ZFPM2: variants seen among roughly 807,000 people sequenced by gnomAD.
ZFPM2 encodes zinc finger protein ZFPM2.
Under a neutral mutation model 98.6 loss-of-function variants are expected in ZFPM2, and 20 were observed. The ratio of observed to expected loss-of-function variants is 0.20; its 90% confidence interval spans 0.14 to 0.29. The LOEUF (loss-of-function observed/expected upper bound fraction) is 0.29, where lower values mean the gene tolerates loss of function less well. ZFPM2 is among the 10% of genes least tolerant of loss of function. The pLI, the probability that ZFPM2 is intolerant of heterozygous loss-of-function variation, is 1.00. For synonymous variants in ZFPM2, 518 were observed against 502.7 expected, an observed-to-expected ratio of 1.03 and a Z score of -0.41; for missense variants, 1,310 against 1,388.6, an observed-to-expected ratio of 0.94 and a Z score of 0.90.
Position 105,645,951 on chromosome 8 carries a change from G to T in ZFPM2, c.532+11594G>T, listed in dbSNP as rs1485370481. On this transcript the variant is annotated intron_variant, in intron 5 of 7. Transcript: ENST00000407775. ...ACCTGTAGTCCCAGCTACTCTGGAG[G>T]CTGAGATGGGAGAATCGCTTGAACC... Among the ~76,000 whole-genome samples, 3 of 151,784 alleles carry T rather than the reference G, an allele frequency of 2.0e-5. No individual in the cohort carries two copies. In the East Asian group the frequency reaches 5.9e-4, roughly 30 times the overall value.
intron 5 of ZFPM2, among the ~76,000 whole-genome samples, chr8:105,700,102 T>G (rs1442333): frequency 3.3e-5 from 5 of 152,104 alleles, no homozygotes; most frequent in Non-Finnish European, 5.9e-5. Flanking sequence ...AAAACACTAC[T>G]TAATGGAAGT....
chr8:105,632,170 T>C, intron 4 of ZFPM2, among the ~76,000 whole-genome samples: 1 of 151,992 alleles, frequency 6.6e-6, no homozygotes, highest in Admixed American at 6.6e-5. Flanking sequence ...TTTTGTTTTG[T>C]TTTGTATTGT....
chr8:105,713,979 T>C (rs748786006), intron 5 of ZFPM2, among the ~76,000 whole-genome samples: 12 of 152,156 alleles, frequency 7.9e-5, no homozygotes, highest in Admixed American at 2.0e-4. Flanking sequence ...AATAGTTTTT[T>C]TCTAATTCTG....
At chr8:105,582,023 T>G (rs886412094) in intron 4 of ZFPM2, among the ~76,000 whole-genome samples, 4 of 152,234 alleles carry the variant, frequency 2.6e-5, no homozygotes, top group African/African-American at 9.6e-5. Context: ...AATCAATATT[T>G]GAAAATGTGC....
At chr8:105,386,609 C>G (rs1209027072) in intron 1 of ZFPM2, among the ~76,000 whole-genome samples, 1 of 152,008 alleles carries the variant, frequency 6.6e-6, no homozygotes, top group Non-Finnish European at 1.5e-5. Flanking sequence ...AGTGTGGACC[C>G]AAAAAGTGAG....
intron 3 of ZFPM2, among the ~76,000 whole-genome samples, chr8:105,534,041 T>TTCCTCCCC (rs1814373998): frequency 3.0e-5 from 1 of 32,944 alleles, no homozygotes; most frequent in Non-Finnish European, 5.5e-5. Context: ...CCTCCCTCCC[T>TTCCTCCCC]CCCTTCCTCC....
At chr8:105,733,611 A>G (rs1412106123) in intron 5 of ZFPM2, among the ~76,000 whole-genome samples, 1 of 151,892 alleles carries the variant, frequency 6.6e-6, no homozygotes, top group Non-Finnish European at 1.5e-5. Context: ...TACTGTTTAC[A>G]GTAGTAATGA....
intron 4 of ZFPM2, among the ~76,000 whole-genome samples, chr8:105,612,069 A>G (rs1441248807): frequency 6.6e-6 from 1 of 152,222 alleles, no homozygotes; most frequent in African/African-American, 2.4e-5. Flanking sequence ...TAACCTACTT[A>G]TAATCCAACC....
chr8:105,389,013 CGTGTGTGT>C (rs142145699), intron 1 of ZFPM2, among the ~76,000 whole-genome samples: 2,682 of 134,826 alleles, frequency 0.02, 42 homozygotes, highest in Middle Eastern at 0.052. Flanking sequence ...AATTTGATGA[CGTGTGTGT>C]GTGTGTGTGT....
intron 1 of ZFPM2, among the ~76,000 whole-genome samples, chr8:105,398,146 A>G (rs926404815): frequency 3.3e-5 from 5 of 152,220 alleles, no homozygotes; most frequent in Admixed American, 2.6e-4. Flanking sequence ...TAGATCATTC[A>G]TTCATTCAGA....
intron 5 of ZFPM2, among the ~76,000 whole-genome samples, chr8:105,663,960 C>G (rs1191591549): frequency 6.6e-6 from 1 of 152,084 alleles, no homozygotes; most frequent in Non-Finnish European, 1.5e-5. Context: ...GATACGTGTC[C>G]CCTTGGGATT....
intron 2 of ZFPM2, among the ~76,000 whole-genome samples, chr8:105,433,094 G>GA (rs914824275): frequency 1.3e-4 from 19 of 147,712 alleles, no homozygotes; most frequent in Admixed American, 2.0e-4. Context: ...TGACTCAAAA[G>GA]AAAAAAAAAA....
At chr8:105,391,152 CA>C (rs976231531) in intron 1 of ZFPM2, among the ~76,000 whole-genome samples, 8 of 152,142 alleles carry the variant, frequency 5.3e-5, no homozygotes, top group Non-Finnish European at 1.5e-5. Flanking sequence ...GCAACAAAAG[CA>C]AATCTTTCAG....
chr8:105,416,695 GTATAAAT>G (rs1375335702), intron 1 of ZFPM2, among the ~76,000 whole-genome samples: 7 of 151,690 alleles, frequency 4.6e-5, no homozygotes, highest in Admixed American at 3.3e-4. Flanking sequence ...TTTAGTGTGG[GTATAAAT>G]TATAAATTAT....
intron 5 of ZFPM2, among the ~76,000 whole-genome samples, chr8:105,732,993 A>G (rs952545368): frequency 6.6e-6 from 1 of 151,936 alleles, no homozygotes. Context: ...AGATGTAAGC[A>G]TATAGAATTT....
At chr8:105,431,305 G>A (rs1812015748) in intron 2 of ZFPM2, among the ~76,000 whole-genome samples, 1 of 152,150 alleles carries the variant, frequency 6.6e-6, no homozygotes, top group Non-Finnish European at 1.5e-5. Flanking sequence ...TTACTATGGA[G>A]GGTTTACAGA....
At chr8:105,397,710 T>C (rs1271201939) in intron 1 of ZFPM2, among the ~76,000 whole-genome samples, 1 of 152,168 alleles carries the variant, frequency 6.6e-6, no homozygotes, top group Non-Finnish European at 1.5e-5. Context: ...TAAAATTTCC[T>C]ATAGTTTGTT....
intron 5 of ZFPM2, among the ~76,000 whole-genome samples, chr8:105,754,873 A>T (rs1563550094): frequency 1.3e-5 from 2 of 152,038 alleles, no homozygotes; most frequent in South Asian, 4.1e-4. Flanking sequence ...TAGTGGGAGA[A>T]CAAGTCTGCC....
intron 1 of ZFPM2, chr8:105,418,590 C>T (rs1467177958): frequency 1.9e-6 from 1 of 518,558 alleles, no homozygotes; most frequent in Admixed American, 1.9e-5. Flanking sequence ...GTTATGCTTT[C>T]ATCAGGGAGA....
Sources: allele counts gnomAD v4.1 joint callset (sites outside exome capture counted in the v4.1 genomes callset), GRCh38; gene constraint gnomAD v4.1.1; transcripts MANE v1.5; gene names NCBI Gene and HGNC (gene_info 2026-07-23, HGNC 2026-07-21).